Variants in SNX29 observed in about 807,000 individuals in gnomAD.
SNX29 encodes sorting nexin 29, also known as sorting nexin-29.
Under a neutral mutation model 102.1 loss-of-function variants are expected in SNX29, and 78 were observed. The ratio of observed to expected loss-of-function variants is 0.76; its 90% confidence interval spans 0.64 to 0.92. The LOEUF (loss-of-function observed/expected upper bound fraction) is 0.92, where lower values mean the gene tolerates loss of function less well. SNX29 is among the 40% of genes least tolerant of loss of function. SNX29 has a pLI of 0.00. For missense variants in SNX29, 1,280 were observed against 1,061.7 expected (o/e 1.21, Z -2.86); for synonymous variants, 580 against 414.5 (o/e 1.40, Z -4.85).
chr16:12,162,566 A>G (rs1025754880), intron 13 of SNX29, among the ~76,000 whole-genome samples: 1 of 152,254 alleles, frequency 6.6e-6, no homozygotes, highest in African/African-American at 2.4e-5. Context: ...TCACAGAAAC[A>G]GAGCAGAAAT....
intron 19 of SNX29, among the ~76,000 whole-genome samples, chr16:12,478,648 T>C (rs895340789): frequency 2.0e-5 from 3 of 152,158 alleles, no homozygotes; most frequent in African/African-American, 7.2e-5. Context: ...TGGAGCCCTG[T>C]CAAATGGTCA....
intron 18 of SNX29, among the ~76,000 whole-genome samples, chr16:12,424,451 C>T (rs746778536): frequency 6.6e-6 from 1 of 152,112 alleles, no homozygotes; most frequent in Non-Finnish European, 1.5e-5. Flanking sequence ...TGATAATATT[C>T]TGTCTTAGGG....
At chr16:12,204,261 G>A (rs531036494) in intron 14 of SNX29, among the ~76,000 whole-genome samples, 1 of 152,254 alleles carries the variant, frequency 6.6e-6, no homozygotes, top group Non-Finnish European at 1.5e-5. Context: ...CAGTCATTCC[G>A]CCAGCCTCCC....
chr16:12,225,512 T>C (rs556441564), intron 14 of SNX29, among the ~76,000 whole-genome samples: 1 of 152,316 alleles, frequency 6.6e-6, no homozygotes, highest in South Asian at 2.1e-4. Context: ...ACGTAAGATA[T>C]GATTTGCTCC....
rs539118661 is a variant in SNX29 at position 12,312,999 on chromosome 16, C to T, written c.1782+34963C>T. ...CATTGTCATAAAGGAGCTTCGGACC[C>T]TGGGGAGACTTTTTGTTTTCTGTTT... On this transcript the variant is annotated intron_variant, in intron 15 of 20. Transcript: ENST00000566228. Among the ~76,000 whole-genome samples, 288 of 147,908 alleles carry T rather than the reference C, an allele frequency of 1.9e-3. 1 individual carries two copies. Among genetic ancestry groups the T allele is most frequent in the African/African-American group, 6.9e-3 (279 of 40,580 alleles).
chr16:12,290,649 T>G (rs897727249), intron 15 of SNX29, among the ~76,000 whole-genome samples: 2 of 152,244 alleles, frequency 1.3e-5, no homozygotes, highest in Admixed American at 6.5e-5. Context: ...GTGTGATTTA[T>G]CAAGGTCTGT....
chr16:12,060,996 G>C (rs566095400), intron 8 of SNX29, among the ~76,000 whole-genome samples: 2 of 152,272 alleles, frequency 1.3e-5, no homozygotes, highest in South Asian at 4.1e-4. Flanking sequence ...CCTAGGTCAG[G>C]TGGCTGCTGT....
chr16:12,217,478 A>C (rs8046935), intron 14 of SNX29, among the ~76,000 whole-genome samples: 11,471 of 152,180 alleles, frequency 0.075, 662 homozygotes, highest in South Asian at 0.29. Flanking sequence ...TTTGAAACCT[A>C]CAGGTGGTAG....
At chr16:12,525,784 A>G (rs1371670855) in intron 20 of SNX29, among the ~76,000 whole-genome samples, 1 of 149,946 alleles carries the variant, frequency 6.7e-6, no homozygotes, top group Non-Finnish European at 1.5e-5. Flanking sequence ...AAGAAAGCTA[A>G]TCTTGGCTCG....
chr16:12,156,063 G>A (rs919279571), intron 13 of SNX29, among the ~76,000 whole-genome samples: 15 of 152,188 alleles, frequency 9.9e-5, no homozygotes, highest in African/African-American at 2.9e-4. Flanking sequence ...CTTAACGTGC[G>A]TGGCGCACAC....
Position 11,976,914 on chromosome 16 carries a change from G to T in SNX29, c.7+101G>T, listed in dbSNP as rs544430762. The T allele has an allele frequency of 4.9e-5, 62 of 1,271,294 alleles. No individual in the cohort carries two copies. In the Middle Eastern group the frequency reaches 1.5e-3, roughly 31 times the overall value. 78.8% of individuals were successfully genotyped at this position (1,271,294 alleles called of 1,614,324 possible). A position where few individuals can be genotyped will look rare whatever the true frequency, so the allele number is the denominator to read the frequency against. On this transcript the variant is annotated intron_variant, in intron 1 of 20. Transcript: ENST00000566228. ...CTGCGTCCTCGCGCCCCGCTCCCTC[G>T]CAGACCCCCTCCCAGTCGCTCCCTT...
intron 16 of SNX29, among the ~76,000 whole-genome samples, chr16:12,362,380 G>A (rs946144549): frequency 1.3e-5 from 2 of 152,150 alleles, no homozygotes; most frequent in Non-Finnish European, 2.9e-5. Flanking sequence ...TTTGGAAAGG[G>A]TGACCACCTC....
chr16:12,522,187 C>CT (rs1285840452), intron 19 of SNX29, among the ~76,000 whole-genome samples: 12 of 152,196 alleles, frequency 7.9e-5, no homozygotes, highest in African/African-American at 2.7e-4. Flanking sequence ...ATTTTGTAGT[C>CT]TAAGTGTATC....
At chr16:12,469,029 C>G (rs1194607266) in intron 18 of SNX29, among the ~76,000 whole-genome samples, 1 of 152,212 alleles carries the variant, frequency 6.6e-6, no homozygotes, top group Non-Finnish European at 1.5e-5. Context: ...ACAGGGGCTG[C>G]TCTTCAGCTA....
chr16:12,285,242 G>C (rs950478272), intron 15 of SNX29, among the ~76,000 whole-genome samples: 4 of 151,998 alleles, frequency 2.6e-5, no homozygotes, highest in African/African-American at 7.3e-5. Flanking sequence ...TGTTGTCTTC[G>C]GGCTCTCCCA....
In SNX29 at chr16:12,568,757, CCAACAGTTACA is replaced by C. The variant is rs1380210270; in HGVS notation, c.*134_*144del. ...TGGTGATCCTGAGAGCACACGATTC[CCAACAGTTACA>C]CAACACCCCGATTAAACTAATCAGT... is the stretch of plus-strand genomic sequence containing the variant. On this transcript the variant is annotated 3_prime_UTR_variant, in exon 21 of 21. Coordinates refer to ENST00000566228, the MANE Select transcript of SNX29 (RefSeq NM_032167.5). The C allele has an allele frequency of 7.3e-7, 1 of 1,363,336 alleles. No individual in the cohort carries two copies. The highest frequency in any genetic ancestry group is 1.5e-5 in the African/African-American group (1 of 68,674). The allele number at this position is 1,363,336 out of a possible 1,614,324, so 84.5% of individuals were successfully genotyped here.
In SNX29 at chr16:12,004,918, G is replaced by T. The variant is rs149406216; in HGVS notation, c.122+1875G>T. 3.3e-5 allele frequency among the ~76,000 whole-genome samples: 5 copies of T among 152,284 alleles called. No individual in the cohort carries two copies. In the East Asian group the frequency reaches 7.7e-4, roughly 24 times the overall value. ...TACCTGTCACTATAATGTCGGCTCTGTGCAGGCAGGGATGATTTGCTGTCT... is the reference window on the plus strand; with the variant it reads ...TACCTGTCACTATAATGTCGGCTCTTTGCAGGCAGGGATGATTTGCTGTCT... On this transcript the variant is annotated intron_variant, in intron 3 of 20. Transcript: ENST00000566228.
rs950674377 is a variant in SNX29, at chr16:12,016,577, A to G, written c.123-10743A>G. Among the ~76,000 whole-genome samples the G allele has an allele frequency of 3.9e-5, 6 of 152,202 alleles. No individual in the cohort carries two copies. The South Asian group carries it at 1.2e-3, about 32-fold the overall frequency. On this transcript the variant is annotated intron_variant, in intron 3 of 20. Coordinates refer to ENST00000566228, the MANE Select transcript of SNX29 (RefSeq NM_032167.5). ...CCAGTTTCTCTGTGTCCTTGCTAGC[A>G]TTTGATTTTGTCATGACTTTGTATT...
chr16:12,091,496 G>T (rs1249066958), intron 11 of SNX29, among the ~76,000 whole-genome samples: 2 of 152,030 alleles, frequency 1.3e-5, no homozygotes, highest in African/African-American at 4.8e-5. Flanking sequence ...TTAAAAAAGG[G>T]ACCCCAGAGG....
Sources: allele counts gnomAD v4.1 joint callset (sites outside exome capture counted in the v4.1 genomes callset), GRCh38; gene constraint gnomAD v4.1.1; transcripts MANE v1.5; gene names NCBI Gene and HGNC (gene_info 2026-07-23, HGNC 2026-07-21).